FBLN1: variants seen among roughly 807,000 people sequenced by gnomAD.
The protein encoded by FBLN1 is fibulin-1.
FBLN1 carries 34 observed loss-of-function variants against 89.7 expected under a neutral mutation model. The ratio of observed to expected loss-of-function variants is 0.38; its 90% CI spans 0.29 to 0.50. The LOEUF is 0.50. Ranked by LOEUF, FBLN1 falls within the 20% of genes least tolerant of loss-of-function variation. The pLI is 0.92. For synonymous variants in FBLN1, 393 were observed against 391.3 expected, an observed-to-expected ratio of 1.00 and a Z score of -0.05; for missense variants, 777 against 988.1, an observed-to-expected ratio of 0.79 and a Z score of 2.86.
In FBLN1 at chr22:45,518,686, C is replaced by T. The variant is rs754024808; in HGVS notation, c.84C>T (p.Asp28=). Residue 28 remains aspartate (D), a synonymous_variant, in exon 2 of 17, where the codon GAC becomes GAT. Coordinates refer to ENST00000327858, the MANE Select transcript of FBLN1 (RefSeq NM_006486.3). ...GGLALLAAGV[D]ADVLLEACCA... Reference sequence around the variant, plus strand: ...CTTGTTCTCTTCCCTGCACAGTGGACGCGGATGTCCTCCTGGAGGCCTGCT... The same window carrying T: ...CTTGTTCTCTTCCCTGCACAGTGGATGCGGATGTCCTCCTGGAGGCCTGCT... 23 of 1,601,406 alleles carry T rather than the reference C, an allele frequency of 1.4e-5. No homozygotes were observed. The East Asian group carries it at 1.6e-4, about 11-fold the overall frequency.
At position 45,557,962 on chromosome 22, in the gene FBLN1, A is replaced by T; in HGVS notation, c.1697+7347A>T. ...TTCCCTTTGCCACTGTCCTTCAGGGATGTCCTAGAAAGGGGCAGTAGTGCT... is the reference window on the plus strand; with the variant it reads ...TTCCCTTTGCCACTGTCCTTCAGGGTTGTCCTAGAAAGGGGCAGTAGTGCT... On this transcript the variant is annotated intron_variant, in intron 14 of 16. Coordinates refer to ENST00000327858, the MANE Select transcript of FBLN1 (RefSeq NM_006486.3). The surrounding 1 kb of genome is among the most constrained non-coding windows in gnomAD (Gnocchi z 4.9). The T allele has an allele frequency of 7.3e-6, 5 of 688,056 alleles. No individual in the cohort carries two copies. In the Admixed American group the frequency reaches 1.0e-4, roughly 14 times the overall value. The allele number at this position is 688,056 out of a possible 1,614,324, so 42.6% of individuals were successfully genotyped here. A position where few individuals can be genotyped will look rare whatever the true frequency, so the allele number is the denominator to read the frequency against.
chr22:45,518,234 G>T (rs1268819463), intron 1 of FBLN1, among the ~76,000 whole-genome samples: 1 of 152,002 alleles, frequency 6.6e-6, no homozygotes, highest in African/African-American at 2.4e-5. Context: ...CCTCTGGAAA[G>T]AGTCATGTCG....
rs1450285388 is a variant in FBLN1 at position 45,545,268 on chromosome 22, G to A, written c.1321+1742G>A. On this transcript the variant is annotated intron_variant, in intron 11 of 16. Transcript: ENST00000327858. This position sits in a 1 kb window ranked among gnomAD's most constrained non-coding sequence, Gnocchi z 5.9. ...CTGCCATTTCCATGGCCTTGAAGAAGTAACTCAGTCTTTCCTGGGCCATGG... is the reference window on the plus strand; with the variant it reads ...CTGCCATTTCCATGGCCTTGAAGAAATAACTCAGTCTTTCCTGGGCCATGG... Among the ~76,000 whole-genome samples the A allele has an allele frequency of 1.3e-5, 2 of 152,186 alleles. No individual in the cohort carries two copies. The highest frequency in any genetic ancestry group is 2.9e-5 in the Non-Finnish European group (2 of 68,032).
intron 1 of FBLN1, among the ~76,000 whole-genome samples, chr22:45,517,176 C>T (rs979157984): frequency 3.9e-5 from 6 of 152,214 alleles, no homozygotes; most frequent in Admixed American, 2.6e-4. Flanking sequence ...GTTGTGTGTG[C>T]GGAAACGCTG....
intron 1 of FBLN1, among the ~76,000 whole-genome samples, chr22:45,515,694 G>A (rs112735918): frequency 2.0e-5 from 3 of 152,284 alleles, no homozygotes; most frequent in African/African-American, 2.4e-5. Flanking sequence ...CCCCTTCGAC[G>A]GTTTAATCCT....
chr22:45,598,491 C>T (rs1601550611), intron 16 of FBLN1, among the ~76,000 whole-genome samples: 2 of 152,364 alleles, frequency 1.3e-5, no homozygotes, highest in Non-Finnish European at 2.9e-5. Flanking sequence ...TGGCCGCAGA[C>T]ACTGGGGAGC....
rs141074294 is a variant in FBLN1 at position 45,593,780 on chromosome 22, G to T, written c.1973-6527G>T. ...CCTAGATTGTGAGGCTTCAGGGACT[G>T]ATTTTCCTTCTTCCTTCTCTCCTTC... On this transcript the variant is annotated intron_variant, in intron 16 of 16. Transcript: ENST00000327858. 4.6e-3 allele frequency among the ~76,000 whole-genome samples: 696 copies of T among 152,344 alleles called. 7 individuals carry two copies. Among genetic ancestry groups the T allele is most frequent in the Non-Finnish European group, 4.0e-3 (273 of 68,034 alleles).
chr22:45,510,499 C>T (rs780104104), intron 1 of FBLN1, among the ~76,000 whole-genome samples: 2 of 152,092 alleles, frequency 1.3e-5, no homozygotes, highest in Non-Finnish European at 2.9e-5. Context: ...CTCCCGGTTC[C>T]CAGCCCCCAG....
At position 45,574,051 on chromosome 22, in the gene FBLN1, A is replaced by C. The variant is rs1174500510; in HGVS notation, c.1698-460A>C. 2.6e-5 allele frequency among the ~76,000 whole-genome samples: 4 copies of C among 152,080 alleles called. No homozygotes were observed. The highest frequency in any genetic ancestry group is 5.9e-5 in the Non-Finnish European group (4 of 68,014). Reference sequence around the variant, plus strand: ...CTGGGCACCGAGCTTGGCGCTTTCTATCTGCTCCTTCGTTTATTACCCTGC... The same window carrying C: ...CTGGGCACCGAGCTTGGCGCTTTCTCTCTGCTCCTTCGTTTATTACCCTGC... On this transcript the variant is annotated intron_variant, in intron 14 of 16. Coordinates refer to ENST00000327858, the MANE Select transcript of FBLN1 (RefSeq NM_006486.3). This position sits in a 1 kb window ranked among gnomAD's most constrained non-coding sequence, Gnocchi z 4.1.
chr22:45,592,379 T>C (rs954909284), intron 16 of FBLN1, among the ~76,000 whole-genome samples: 1 of 152,094 alleles, frequency 6.6e-6, no homozygotes, highest in Admixed American at 6.5e-5. Context: ...CAGGCTGGAG[T>C]GTGGTGGCGT....
At chr22:45,543,692 G>A (rs1406099711) in intron 11 of FBLN1, among the ~76,000 whole-genome samples, 166 bp downstream of exon 11, 5 of 152,230 alleles carry the variant, frequency 3.3e-5, no homozygotes, top group Admixed American at 2.6e-4. Flanking sequence ...AGGACTGCCC[G>A]CCTGCCCACC....
intron 1 of FBLN1, among the ~76,000 whole-genome samples, chr22:45,506,239 T>C (rs13433666): frequency 0.43 from 64,814 of 152,086 alleles, 14,973 homozygotes; most frequent in African/African-American, 0.62. Context: ...ACCCCAGAAT[T>C]GTTTTCCCCA....
Position 45,576,880 on chromosome 22 carries a change from G to C in FBLN1, c.1841-97G>C. 1 of 1,465,522 alleles carries C rather than the reference G, an allele frequency of 6.8e-7. No individual in the cohort carries two copies. Among genetic ancestry groups the C allele is most frequent in the South Asian group, 1.2e-5 (1 of 86,550 alleles). The allele number at this position is 1,465,522 out of a possible 1,614,324, so 90.8% of individuals were successfully genotyped here. A position where few individuals can be genotyped will look rare whatever the true frequency, so the allele number is the denominator to read the frequency against. On this transcript the variant is annotated intron_variant, in intron 15 of 16. Transcript: ENST00000327858. This position sits in a 1 kb window ranked among gnomAD's most constrained non-coding sequence, Gnocchi z 5.2. ...TGTCTCATGAAAGGGCCCTGGGTTA[G>C]GTCTTCATTCCCCAAGGGTGAGTTC...
intron 14 of FBLN1, among the ~76,000 whole-genome samples, chr22:45,564,708 T>G (rs1056121504): frequency 3.3e-5 from 5 of 152,352 alleles, no homozygotes; most frequent in Middle Eastern, 3.4e-3. Context: ...GAAGGCTCTG[T>G]GAAGGCAGGG....
chr22:45,584,352 T>C (rs767154273), intron 16 of FBLN1, among the ~76,000 whole-genome samples: 24 of 152,324 alleles, frequency 1.6e-4, no homozygotes, highest in Non-Finnish European at 2.8e-4. Flanking sequence ...CAGTTTATGT[T>C]TTGAAATCGC....
At chr22:45,548,467 G>A (rs1225023504) in intron 12 of FBLN1, 146 bp from the exon 13 acceptor site, 4 of 1,069,766 alleles carry the variant, frequency 3.7e-6, no homozygotes, top group East Asian at 2.6e-5. Context: ...CTCTGAGCAC[G>A]ATGGTCTCTG....
Position 45,580,407 on chromosome 22 carries a change from G to A in FBLN1, c.1972+3299G>A, listed in dbSNP as rs962072903. On this transcript the variant is annotated intron_variant, in intron 16 of 16. Coordinates refer to ENST00000327858, the MANE Select transcript of FBLN1 (RefSeq NM_006486.3). The surrounding 1 kb of genome is among the most constrained non-coding windows in gnomAD (Gnocchi z 8.6). ...ATGCCCTGTGTGGACACTGGGCACCGGATCAGGAGGGCTTCCTGGAGGAGG... is the reference window on the plus strand; with the variant it reads ...ATGCCCTGTGTGGACACTGGGCACCAGATCAGGAGGGCTTCCTGGAGGAGG... Among the ~76,000 whole-genome samples, 4 of 152,170 alleles carry A rather than the reference G, an allele frequency of 2.6e-5. No homozygotes were observed. Among genetic ancestry groups the A allele is most frequent in the Non-Finnish European group, 5.9e-5 (4 of 68,028 alleles).
intron 1 of FBLN1, chr22:45,517,387 C>T (rs1222532206): frequency 2.9e-6 from 1 of 349,076 alleles, no homozygotes; most frequent in Non-Finnish European, 5.7e-6. Context: ...CCCGGCCGCT[C>T]CTCCCTTGGG....
At position 45,572,652 on chromosome 22, in the gene FBLN1, G is replaced by C. The variant is rs556802532; in HGVS notation, c.1698-1859G>C. 1.6e-4 allele frequency among the ~76,000 whole-genome samples: 25 copies of C among 152,258 alleles called. No individual in the cohort carries two copies. Among genetic ancestry groups the C allele is most frequent in the Non-Finnish European group, 2.6e-4 (18 of 68,042 alleles). On this transcript the variant is annotated intron_variant, in intron 14 of 16. Transcript: ENST00000327858. This position sits in a 1 kb window ranked among gnomAD's most constrained non-coding sequence, Gnocchi z 5.8. The stretch of plus-strand genomic sequence containing the variant: ...CTATCGGCATTTTGCAATCCTTGAT[G>C]AATCAGTGGGCGTAGGCCTTGAGCA...
Sources: gnomAD v4.1 joint callset for allele counts (sites outside exome capture counted in the v4.1 genomes callset) on GRCh38, gnomAD v4.1.1 for gene constraint, Gnocchi (gnomAD v3.1) non-coding constraint, MANE v1.5 for transcripts, NCBI Gene and HGNC (gene_info 2026-07-23, HGNC 2026-07-21) for gene names.